The following CKMT2 variants were observed in gnomAD, a reference collection of about 807,000 sequenced individuals.
CKMT2 encodes the protein creatine kinase S-type, mitochondrial.
In CKMT2, 43 loss-of-function variants were observed where a neutral mutation model predicts 48.9. That is an observed-to-expected ratio of 0.88 (90% CI 0.69 to 1.13). CKMT2 has a LOEUF of 1.13. Ranked by LOEUF, CKMT2 falls within the 50% of genes most tolerant of loss-of-function variation. The pLI is 0.00. For synonymous variants in CKMT2, 206 were observed against 213.0 expected (o/e 0.97, Z 0.29); for missense variants, 472 against 555.4 (o/e 0.85, Z 1.51).
intron 4 of CKMT2, 64 bp downstream of exon 4, chr5:81,254,555 C>T: frequency 7.0e-7 from 1 of 1,427,268 alleles, no homozygotes; most frequent in Non-Finnish European, 9.9e-7. Flanking sequence ...GGGGAAGGCC[C>T]CTGGAGAGAG....
chr5:81,254,262 A>G (rs1209206580), intron 3 of CKMT2, 134 bp from the exon 4 acceptor site: 3 of 656,078 alleles, frequency 4.6e-6, no homozygotes, highest in African/African-American at 3.6e-5. Flanking sequence ...CATTTCCTAT[A>G]TGATAGTCCT....
intron 1 of CKMT2, among the ~76,000 whole-genome samples, chr5:81,248,112 C>T (rs1756674042): frequency 6.6e-6 from 1 of 152,228 alleles, no homozygotes. Context: ...CAGGACTATA[C>T]ATGGAGACCA....
intron 6 of CKMT2, 141 bp downstream of exon 6, chr5:81,257,141 A>AGTGTGTGTGTGT (rs3830407): frequency 3.6e-4 from 182 of 499,116 alleles, no homozygotes; most frequent in Middle Eastern, 1.0e-3. Flanking sequence ...CTACTTGGAA[A>AGTGTGTGTGTGT]GTGTGTGTGT....
intron 1 of CKMT2, among the ~76,000 whole-genome samples, chr5:81,235,250 A>G (rs1418378849): frequency 1.3e-5 from 2 of 152,192 alleles, no homozygotes; most frequent in Non-Finnish European, 1.5e-5. Flanking sequence ...AGTAATGCCA[A>G]GAGTGCCCAT....
At chr5:81,251,621 A>C (rs1756818897) in intron 2 of CKMT2, among the ~76,000 whole-genome samples, 1 of 152,126 alleles carries the variant, frequency 6.6e-6, no homozygotes, top group African/African-American at 2.4e-5. Context: ...AACAAAAAAA[A>C]ATCTTCAAAG....
chr5:81,254,983 T>C lies in CKMT2; in HGVS notation c.448-10T>C, dbSNP rs1167030567. On this transcript the variant is annotated splice_polypyrimidine_tract_variant and intron_variant, in intron 4 of 9. Transcript: ENST00000254035. The stretch of plus-strand genomic sequence containing the variant: ...GGCTGGCCACAGTGACCCCACAGTC[T>C]GCTTGGCAGATCACCCAAGGGCAGT... 1.9e-6 allele frequency: 3 copies of C among 1,612,132 alleles called. No individual in the cohort carries two copies. Among genetic ancestry groups the C allele is most frequent in the South Asian group, 1.1e-5 (1 of 91,024 alleles).
chr5:81,260,021 C>T (rs1333628631), intron 8 of CKMT2, among the ~76,000 whole-genome samples: 1 of 152,184 alleles, frequency 6.6e-6, no homozygotes, highest in East Asian at 1.9e-4. Context: ...ATAACAGTCT[C>T]TCAGACCACA....
In CKMT2 at chr5:81,256,840, T is replaced by G. The variant is rs977499959; in HGVS notation, c.670-75T>G. 3 of 1,065,170 alleles carry G rather than the reference T, an allele frequency of 2.8e-6. No individual in the cohort carries two copies. The African/African-American group carries it at 4.7e-5, about 17-fold the overall frequency. The allele number at this position is 1,065,170 out of a possible 1,614,324, so 66.0% of individuals were successfully genotyped here. A position where few individuals can be genotyped will look rare whatever the true frequency, so the allele number is the denominator to read the frequency against. On this transcript the variant is annotated intron_variant, in intron 5 of 9. Transcript: ENST00000254035. ...GCAGCCATGATAAGTGGGTTGGAAC[T>G]TGTTCACCTGGCACTTGCAGTCCTG...
At chr5:81,261,556 A>G (rs867826599) in intron 8 of CKMT2, among the ~76,000 whole-genome samples, 1 of 151,078 alleles carries the variant, frequency 6.6e-6, no homozygotes, top group African/African-American at 2.4e-5. Context: ...ATACACCAAT[A>G]GACAAACAGA....
intron 1 of CKMT2, among the ~76,000 whole-genome samples, chr5:81,244,585 A>G (rs780402837): frequency 1.3e-5 from 2 of 152,180 alleles, no homozygotes; most frequent in Non-Finnish European, 2.9e-5. Context: ...TGAAGACAAA[A>G]CTGTGGATAA....
chr5:81,234,381 C>T (rs1181017480), intron 1 of CKMT2, among the ~76,000 whole-genome samples: 1 of 152,150 alleles, frequency 6.6e-6, no homozygotes, highest in East Asian at 1.9e-4. Flanking sequence ...AGAAGGGCTG[C>T]TTTTCCTGTC....
chr5:81,264,533 T>C (rs956257359), intron 9 of CKMT2, among the ~76,000 whole-genome samples: 12 of 152,228 alleles, frequency 7.9e-5, no homozygotes, highest in African/African-American at 2.4e-4. Flanking sequence ...GATCAGCCAG[T>C]GTGCTATCAG....
intron 7 of CKMT2, among the ~76,000 whole-genome samples, chr5:81,258,752 G>A (rs992213145): frequency 6.6e-6 from 1 of 152,170 alleles, no homozygotes; most frequent in Non-Finnish European, 1.5e-5. Context: ...AGGGATCTAG[G>A]TTGCGTGCTC....
intron 1 of CKMT2, chr5:81,238,759 G>C (rs185039053): frequency 6.6e-6 from 1 of 152,520 alleles, no homozygotes; most frequent in Non-Finnish European, 1.5e-5. Flanking sequence ...GCAAGGTGAA[G>C]TGATAGCCCC....
intron 1 of CKMT2, among the ~76,000 whole-genome samples, chr5:81,245,708 C>T: frequency 6.6e-6 from 1 of 152,108 alleles, no homozygotes; most frequent in Non-Finnish European, 1.5e-5. Context: ...CAGGAGCCAG[C>T]GGGATGGGAA....
chr5:81,247,148 C>G (rs1756638526), intron 1 of CKMT2, among the ~76,000 whole-genome samples: 1 of 152,144 alleles, frequency 6.6e-6, no homozygotes, highest in Admixed American at 6.6e-5. Context: ...CATCTCCTCT[C>G]CCTAGTGGTC....
intron 1 of CKMT2, 57 bp from the exon 2 acceptor site, chr5:81,251,056 T>C (rs1182835086): frequency 7.2e-7 from 1 of 1,396,208 alleles, no homozygotes; most frequent in Non-Finnish European, 1.0e-6. Flanking sequence ...TTGACCCCTA[T>C]GTTGTGGCTC....
intron 6 of CKMT2, 57 bp from the exon 7 acceptor site, chr5:81,257,676 T>TTCATGTGTTGAAACAAATGCAA: frequency 6.5e-7 from 1 of 1,529,538 alleles, no homozygotes; most frequent in Admixed American, 1.9e-5. Flanking sequence ...AATGGGAATT[T>TTCATGTGTTGAAACAAATGCAA]TCATGTGTTG....
At chr5:81,249,253 T>A (rs1284125788) in intron 1 of CKMT2, among the ~76,000 whole-genome samples, 1 of 152,128 alleles carries the variant, frequency 6.6e-6, no homozygotes, top group East Asian at 1.9e-4. Flanking sequence ...GAGACAGGGT[T>A]TTGCTGTCTC....
Sources: gnomAD v4.1 joint callset for allele counts (sites outside exome capture counted in the v4.1 genomes callset) on GRCh38, gnomAD v4.1.1 for gene constraint, MANE v1.5 for transcripts, NCBI Gene and HGNC (gene_info 2026-07-23, HGNC 2026-07-21) for gene names.